Variants in USP10 observed in about 807,000 individuals in gnomAD.
USP10 encodes ubiquitin specific peptidase 10.
A neutral mutation model predicts 84.5 loss-of-function variants in USP10; 22 were observed. The ratio of observed to expected loss-of-function variants is 0.26; its 90% CI spans 0.19 to 0.37. USP10 has a LOEUF of 0.37. Among genes scored for constraint, USP10 ranks in the 10% least tolerant of loss-of-function variants. The pLI, the probability that USP10 is intolerant of heterozygous loss-of-function variation, is 1.00. For synonymous variants in USP10, 454 were observed against 387.6 expected, an observed-to-expected ratio of 1.17 and a Z score of -2.01; for missense variants, 1,019 against 998.9, an observed-to-expected ratio of 1.02 and a Z score of -0.27.
In USP10 at chr16:84,764,243, C is replaced by G. The variant is rs1913564892; in HGVS notation, c.1812C>G (p.Gly604=). ...ATTTTGTTCAGACTCCAATCACCGG[C>G]ATTTTTGGTGGACACATCAGGTTTG... is the stretch of plus-strand genomic sequence containing the variant. ...QADFVQTPIT[G]IFGGHIRSVV... Residue 604 remains glycine, a synonymous_variant, in exon 10 of 14, where the codon GGC becomes GGG. Transcript: ENST00000219473. 1.2e-6 allele frequency: 2 copies of G among 1,613,928 alleles called. No individual in the cohort carries two copies. Among genetic ancestry groups the G allele is most frequent in the African/African-American group, 2.7e-5 (2 of 74,934 alleles).
chr16:84,761,601 G>A (rs527361689), intron 8 of USP10, among the ~76,000 whole-genome samples: 84 of 152,338 alleles, frequency 5.5e-4, no homozygotes, highest in African/African-American at 1.6e-3. Flanking sequence ...TGCCAACCAG[G>A]GAAGGTCATT....
chr16:84,775,044 G>C lies in USP10; in HGVS notation c.2144-116G>C. The C allele has an allele frequency of 4.6e-6, 4 of 863,326 alleles. No individual in the cohort carries two copies. In the South Asian group the frequency reaches 5.4e-5, roughly 12 times the overall value. 53.5% of individuals were successfully genotyped at this position (863,326 alleles called of 1,614,324 possible). A position where few individuals can be genotyped will look rare whatever the true frequency, so the allele number is the denominator to read the frequency against. On this transcript the variant is annotated intron_variant, in intron 12 of 13. Coordinates refer to ENST00000219473, the MANE Select transcript of USP10 (RefSeq NM_005153.3). The stretch of plus-strand genomic sequence containing the variant: ...AACTGAAGGGATAGAGTGTTGTTTT[G>C]TTCCTGGTCTGACAGGCAGTTTACT...
chr16:84,729,172 G>C (rs534734914), intron 1 of USP10, among the ~76,000 whole-genome samples: 1 of 152,338 alleles, frequency 6.6e-6, no homozygotes, highest in African/African-American at 2.4e-5. Flanking sequence ...TGATGCATAT[G>C]ATTTTGTTAA....
chr16:84,737,366 C>A (rs191709979), intron 2 of USP10, among the ~76,000 whole-genome samples: 1 of 152,178 alleles, frequency 6.6e-6, no homozygotes, highest in African/African-American at 2.4e-5. Flanking sequence ...TGTATTCTTA[C>A]AAATAGTTAT....
Position 84,750,453 on chromosome 16 carries a change from G to T in USP10, c.1192+4780G>T, listed in dbSNP as rs534768349. On this transcript the variant is annotated intron_variant, in intron 4 of 13. Transcript: ENST00000219473. ...ACTTAATAGCTTGTGTTTGAAAGTA[G>T]TTGCAAAACGCGACACCCTTGTTAA... is the stretch of plus-strand genomic sequence containing the variant. 2.0e-5 allele frequency among the ~76,000 whole-genome samples: 3 copies of T among 151,450 alleles called. No individual in the cohort carries two copies. In the South Asian group the frequency reaches 6.3e-4, roughly 32 times the overall value.
At chr16:84,755,566 G>C (rs1912435646) in intron 4 of USP10, among the ~76,000 whole-genome samples, 1 of 152,090 alleles carries the variant, frequency 6.6e-6, no homozygotes. Flanking sequence ...AACCCAGGAG[G>C]TCGAGGCTGC....
At chr16:84,700,831 G>T (rs191000561) in intron 1 of USP10, among the ~76,000 whole-genome samples, 3 of 152,234 alleles carry the variant, frequency 2.0e-5, no homozygotes, top group African/African-American at 4.8e-5. Flanking sequence ...TAATCCCGTG[G>T]TGGAAAGAAA....
chr16:84,748,153 C>CAAAAAAAAA (rs1169089505), intron 4 of USP10, among the ~76,000 whole-genome samples: 8 of 51,160 alleles, frequency 1.6e-4, no homozygotes, highest in East Asian at 1.6e-3. Context: ...GACTCCATCT[C>CAAAAAAAAA]AAAAAAAAAA....
intron 1 of USP10, among the ~76,000 whole-genome samples, chr16:84,722,714 C>A (rs985689765): frequency 1.3e-5 from 2 of 152,226 alleles, no homozygotes; most frequent in African/African-American, 4.8e-5. Context: ...CAGACTCCCC[C>A]ACGCCCAGCT....
At chr16:84,759,819 C>A in intron 6 of USP10, 72 bp from the exon 7 acceptor site, 1 of 1,435,674 alleles carries the variant, frequency 7.0e-7, no homozygotes, top group Non-Finnish European at 9.8e-7. Context: ...TTCTACTTAG[C>A]CATCAAAGCT....
chr16:84,747,123 G>A (rs1360871922), intron 4 of USP10, among the ~76,000 whole-genome samples: 2 of 152,302 alleles, frequency 1.3e-5, no homozygotes, highest in Middle Eastern at 3.4e-3. Context: ...GTTACGCCGC[G>A]CGTGACTGTA....
intron 2 of USP10, among the ~76,000 whole-genome samples, chr16:84,735,987 G>C (rs1318489832): frequency 1.3e-5 from 2 of 151,814 alleles, no homozygotes; most frequent in Admixed American, 6.5e-5. Flanking sequence ...TGAGTGGCGA[G>C]GGCGTGTCAC....
rs1381766175 is a variant in USP10 at position 84,774,039 on chromosome 16, C to T, written c.2144-1121C>T. ...CCGAGGCAGGCAGATCACCTGAGGT[C>T]AGGAGTTCGAGACCAGCCTGACCAA... On this transcript the variant is annotated intron_variant, in intron 12 of 13. Coordinates refer to ENST00000219473, the MANE Select transcript of USP10 (RefSeq NM_005153.3). Among the ~76,000 whole-genome samples the T allele has an allele frequency of 4.6e-5, 7 of 152,128 alleles. No individual in the cohort carries two copies. In the South Asian group the frequency reaches 1.4e-3, roughly 31 times the overall value.
At chr16:84,727,764 T>C (rs1908694932) in intron 1 of USP10, among the ~76,000 whole-genome samples, 1 of 152,256 alleles carries the variant, frequency 6.6e-6, no homozygotes, top group Non-Finnish European at 1.5e-5. Context: ...ACATACACTG[T>C]AGCCACTTAA....
chr16:84,745,692 A>G lies in USP10; in HGVS notation c.1192+19A>G. On this transcript the variant is annotated intron_variant, in intron 4 of 13. Transcript: ENST00000219473. Reference sequence around the variant, plus strand: ...ATTGCAGGTATAGTTGAAAAGATACAAATCTAGAGTGAAGATGGGAGCAGA... The same window carrying G: ...ATTGCAGGTATAGTTGAAAAGATACGAATCTAGAGTGAAGATGGGAGCAGA... 3 of 1,589,462 alleles carry G rather than the reference A, an allele frequency of 1.9e-6. No homozygotes were observed. Among genetic ancestry groups the G allele is most frequent in the South Asian group, 2.3e-5 (2 of 87,570 alleles).
intron 4 of USP10, among the ~76,000 whole-genome samples, chr16:84,747,184 G>A (rs1911330830): frequency 1.3e-5 from 2 of 152,162 alleles, no homozygotes; most frequent in Non-Finnish European, 2.9e-5. Flanking sequence ...CACCAAGCCT[G>A]GTGACCAGAT....
At chr16:84,752,823 T>C (rs1472900790) in intron 4 of USP10, among the ~76,000 whole-genome samples, 1 of 152,214 alleles carries the variant, frequency 6.6e-6, no homozygotes, top group Non-Finnish European at 1.5e-5. Flanking sequence ...ATGGAAGGCT[T>C]AGTGTACGTG....
At chr16:84,764,939 A>AAATAT (rs370383030) in intron 10 of USP10, among the ~76,000 whole-genome samples, 14 of 132,254 alleles carry the variant, frequency 1.1e-4, no homozygotes, top group African/African-American at 3.4e-4. Context: ...GAGAAAAAAA[A>AAATAT]ATATATATAT....
At chr16:84,735,220 TGTGTGTGTGTGTGTGTG>T (rs1208814740) in intron 2 of USP10, among the ~76,000 whole-genome samples, 20 of 63,390 alleles carry the variant, frequency 3.2e-4, no homozygotes, top group African/African-American at 1.0e-3. Flanking sequence ...TGTGTGTGTG[TGTGTGTGTGTGTGTGTG>T]GTGTGTGTGT....
Sources: gnomAD v4.1 joint callset for allele counts (sites outside exome capture counted in the v4.1 genomes callset) on GRCh38, gnomAD v4.1.1 for gene constraint, MANE v1.5 for transcripts, NCBI Gene and HGNC (gene_info 2026-07-23, HGNC 2026-07-21) for gene names.